Variants in ARHGAP18 observed in about 807,000 individuals in gnomAD.
The protein encoded by ARHGAP18 is Rho GTPase activating protein 18, also known as rho GTPase-activating protein 18.
ARHGAP18 carries 67 observed loss-of-function variants against 86.2 expected under a neutral mutation model. The observed-to-expected ratio is 0.78, with a 90% confidence interval of 0.64 to 0.95. The LOEUF is 0.95. Among genes scored for constraint, ARHGAP18 ranks in the 40% least tolerant of loss-of-function variants. The probability of loss-of-function intolerance (pLI) is 0.00; values close to 1 mark genes in which losing one functional copy is unlikely to be tolerated. For synonymous variants in ARHGAP18, 283 were observed against 280.4 expected (o/e 1.01, Z -0.09); for missense variants, 691 against 780.4 (o/e 0.89, Z 1.37).
chr6:129,629,272 C>CGT, intron 5 of ARHGAP18, 81 bp downstream of exon 5: 2 of 1,090,882 alleles, frequency 1.8e-6, no homozygotes, highest in Non-Finnish European at 2.6e-6. Context: ...TGTGTGTGTG[C>CGT]GTGTGTGTGT....
intron 1 of ARHGAP18, among the ~76,000 whole-genome samples, chr6:129,686,460 T>C (rs1774425235): frequency 1.3e-5 from 2 of 152,100 alleles, no homozygotes; most frequent in South Asian, 2.1e-4. Flanking sequence ...AGCCTACCAC[T>C]CCACCAGTAA....
At chr6:129,673,399 C>T (rs1169392091) in intron 1 of ARHGAP18, among the ~76,000 whole-genome samples, 1 of 151,272 alleles carries the variant, frequency 6.6e-6, no homozygotes, top group Non-Finnish European at 1.5e-5. Flanking sequence ...ATCAATGTCC[C>T]AAATGAAGGT....
Position 129,694,833 on chromosome 6 carries a change from T to C in ARHGAP18, c.113+15191A>G, listed in dbSNP as rs993577579. Reference sequence around the variant, plus strand: ...AGATATTAAGTAAAAAATGTTTTGCTGAAAGACTTGTGTTCTATGAAGCTT... The same window carrying C: ...AGATATTAAGTAAAAAATGTTTTGCCGAAAGACTTGTGTTCTATGAAGCTT... On this transcript the variant is annotated intron_variant, in intron 1 of 14. Transcript: ENST00000368149. Among the ~76,000 whole-genome samples the C allele has an allele frequency of 5.3e-5, 8 of 152,348 alleles. No individual in the cohort carries two copies. The East Asian group carries it at 1.3e-3, about 26-fold the overall frequency.
rs769439947 is a variant in ARHGAP18 at position 129,641,913 on chromosome 6, T to G, written c.219A>C (p.Leu73=). ...GTTCTATCCAATAGTCTTCCATAGA[T>G]AGTTCATCCAAAGAATCCTGGGAAA... The part of the protein sequence containing the change: ...RSISQDSLDE[L]SMEDYWIELE... Residue 73 remains leucine (L), a synonymous_variant, in exon 2 of 15, where the codon CTA becomes CTC. Transcript: ENST00000368149. 6.2e-7 allele frequency: 1 copy of G among 1,613,970 alleles called. No homozygotes were observed. Among genetic ancestry groups the G allele is most frequent in the Non-Finnish European group, 8.5e-7 (1 of 1,179,878 alleles).
At chr6:129,626,579 C>T (rs141167855) in intron 5 of ARHGAP18, among the ~76,000 whole-genome samples, 2 of 151,362 alleles carry the variant, frequency 1.3e-5, no homozygotes, top group East Asian at 3.9e-4. Context: ...GATGGCTTAA[C>T]GATACAAAGA....
chr6:129,651,766 T>C (rs1773715767), intron 1 of ARHGAP18, among the ~76,000 whole-genome samples: 2 of 152,232 alleles, frequency 1.3e-5, no homozygotes, highest in South Asian at 4.1e-4. Flanking sequence ...AATTAATTCC[T>C]GAGATTTAGA....
chr6:129,579,815 T>C (rs1788250291), intron 14 of ARHGAP18, among the ~76,000 whole-genome samples: 1 of 152,236 alleles, frequency 6.6e-6, no homozygotes, highest in African/African-American at 2.4e-5. Context: ...TCATTAACCA[T>C]TCCAGGAGTT....
At position 129,699,867 on chromosome 6, in the gene ARHGAP18, G is replaced by C. The variant is rs940446653; in HGVS notation, c.113+10157C>G. Reference sequence around the variant, plus strand: ...TAAGAACTTGAAATGCAAGTGTAGGGAGGAACTGGAGAACTGACTAGGAGG... The same window carrying C: ...TAAGAACTTGAAATGCAAGTGTAGGCAGGAACTGGAGAACTGACTAGGAGG... On this transcript the variant is annotated intron_variant, in intron 1 of 14. Coordinates refer to ENST00000368149, the MANE Select transcript of ARHGAP18 (RefSeq NM_033515.3). Among the ~76,000 whole-genome samples, 8 of 152,348 alleles carry C rather than the reference G, an allele frequency of 5.3e-5. No homozygotes were observed. The East Asian group carries it at 1.3e-3, about 26-fold the overall frequency.
intron 1 of ARHGAP18, among the ~76,000 whole-genome samples, chr6:129,669,712 G>A (rs560687798): frequency 2.2e-4 from 33 of 151,650 alleles, no homozygotes; most frequent in Non-Finnish European, 4.7e-4. Flanking sequence ...TTGAACCCAG[G>A]AGGCGAAGTT....
intron 12 of ARHGAP18, among the ~76,000 whole-genome samples, chr6:129,596,122 T>C (rs890099444): frequency 5.3e-5 from 8 of 152,292 alleles, no homozygotes; most frequent in African/African-American, 1.9e-4. Context: ...AAACATAGTA[T>C]AGATTTTCAA....
chr6:129,668,397 C>CAG (rs898868111), intron 1 of ARHGAP18, among the ~76,000 whole-genome samples: 2 of 138,248 alleles, frequency 1.4e-5, no homozygotes, highest in African/African-American at 5.0e-5. Flanking sequence ...CACACACACA[C>CAG]ACAGACACAC....
At chr6:129,616,815 G>T (rs1040723042) in intron 6 of ARHGAP18, among the ~76,000 whole-genome samples, 1 of 152,028 alleles carries the variant, frequency 6.6e-6, no homozygotes, top group Non-Finnish European at 1.5e-5. Flanking sequence ...AATTAGGCAG[G>T]TATGATGGCA....
intron 5 of ARHGAP18, among the ~76,000 whole-genome samples, chr6:129,622,733 G>T (rs947490739): frequency 1.3e-5 from 2 of 152,072 alleles, no homozygotes; most frequent in African/African-American, 2.4e-5. Flanking sequence ...GGGCATGGTG[G>T]CTCACACCTG....
In ARHGAP18 at chr6:129,600,816, A is replaced by C; in HGVS notation, c.1398T>G (p.Asp466Glu). ...ALLEFLQRVI[D>E]NKEKNKMTVM... Reference sequence around the variant, plus strand: ...CTGTCATTTTATTTTTTTCTTTATTATCTATTACTCTTTGGAGAAATTCAA... The same window carrying C: ...CTGTCATTTTATTTTTTTCTTTATTCTCTATTACTCTTTGGAGAAATTCAA... Residue 466 changes from aspartate (D) to glutamate (E), a missense_variant, in exon 11 of 15, where the codon GAT becomes GAG. By Grantham distance (45) the Asp-to-Glu change is conservative (BLOSUM62 2). Transcript: ENST00000368149. 6.2e-7 allele frequency: 1 copy of C among 1,613,028 alleles called. No individual in the cohort carries two copies. The highest frequency in any genetic ancestry group is 8.5e-7 in the Non-Finnish European group (1 of 1,179,564).
chr6:129,671,038 A>G (rs1019751876), intron 1 of ARHGAP18, among the ~76,000 whole-genome samples: 16 of 152,196 alleles, frequency 1.1e-4, no homozygotes, highest in African/African-American at 3.9e-4. Flanking sequence ...GTTAGAAGCC[A>G]TGGACACCCT....
At chr6:129,684,888 T>C (rs1300754157) in intron 1 of ARHGAP18, among the ~76,000 whole-genome samples, 3 of 152,178 alleles carry the variant, frequency 2.0e-5, no homozygotes, top group Admixed American at 1.3e-4. Context: ...AGAGAAGATA[T>C]CAGCACTAAG....
At chr6:129,692,707 C>A (rs1236339681) in intron 1 of ARHGAP18, among the ~76,000 whole-genome samples, 2 of 152,152 alleles carry the variant, frequency 1.3e-5, no homozygotes, top group African/African-American at 4.8e-5. Flanking sequence ...GCCTGGAAAT[C>A]ATCTATTTAT....
chr6:129,625,172 G>T (rs113776036), intron 5 of ARHGAP18, among the ~76,000 whole-genome samples: 4,589 of 41,440 alleles, frequency 0.11, 1,102 homozygotes, highest in African/African-American at 0.21. Context: ...TATTATATAT[G>T]ATATATTATA....
chr6:129,700,992 C>T (rs1459509010), intron 1 of ARHGAP18, among the ~76,000 whole-genome samples: 2 of 142,586 alleles, frequency 1.4e-5, no homozygotes, highest in East Asian at 4.5e-4. Context: ...AAGGAACACC[C>T]CTCCCTTAAA....
Sources: allele counts gnomAD v4.1 joint callset (sites outside exome capture counted in the v4.1 genomes callset), GRCh38; gene constraint gnomAD v4.1.1; transcripts MANE v1.5; gene names NCBI Gene and HGNC (gene_info 2026-07-23, HGNC 2026-07-21).